Variants in TIRAP observed in about 807,000 individuals in gnomAD.
TIRAP encodes the protein TIR domain containing adaptor protein, also known as toll/interleukin-1 receptor domain-containing adapter protein.
Under a neutral mutation model 19.8 loss-of-function variants are expected in TIRAP, and 20 were observed. That is an observed-to-expected ratio of 1.01 (90% CI 0.71 to 1.47). The LOEUF is 1.47. Among genes scored for constraint, TIRAP ranks in the 40% most tolerant of loss-of-function variants. TIRAP has a pLI of 0.00. For synonymous variants in TIRAP, 125 were observed against 121.7 expected, an observed-to-expected ratio of 1.03 and a Z score of -0.18; for missense variants, 276 against 285.1, an observed-to-expected ratio of 0.97 and a Z score of 0.23.
chr11:126,287,493 G>A lies in TIRAP; in HGVS notation c.-216-2969G>A, dbSNP rs1951335341. ...GCACCACCACGCTTAGCTAATTTTTGTATTTTTAGTAGAGACAGGGTTTCA... is the reference window on the plus strand; with the variant it reads ...GCACCACCACGCTTAGCTAATTTTTATATTTTTAGTAGAGACAGGGTTTCA... On this transcript the variant is annotated intron_variant, in intron 1 of 4. Coordinates refer to ENST00000392679, the MANE Select transcript of TIRAP (RefSeq NM_001318777.2). The surrounding 1 kb of genome is among the most constrained non-coding windows in gnomAD (Gnocchi z 4.2). Among the ~76,000 whole-genome samples the A allele has an allele frequency of 1.3e-5, 2 of 151,904 alleles. No homozygotes were observed. Among genetic ancestry groups the A allele is most frequent in the Admixed American group, 6.6e-5 (1 of 15,240 alleles).
rs1951440675 is a variant in TIRAP at position 126,293,918 on chromosome 11, C to T, written c.*231C>T. On this transcript the variant is annotated 3_prime_UTR_variant, in exon 5 of 5. Transcript: ENST00000392679. ...AGGAAGGCCGTGAAGCTGGGGATTC[C>T]CCCTAGGAAAGCCATGAGGAAGCTG... The T allele has an allele frequency of 3.5e-6, 2 of 576,344 alleles. No individual in the cohort carries two copies. The highest frequency in any genetic ancestry group is 6.2e-6 in the Non-Finnish European group (2 of 324,138). The allele number at this position is 576,344 out of a possible 1,614,324, so 35.7% of individuals were successfully genotyped here.
In TIRAP at chr11:126,292,918, G is replaced by A. The variant is rs750153440; in HGVS notation, c.509G>A (p.Gly170Glu). 1.9e-6 allele frequency: 3 copies of A among 1,613,878 alleles called. No individual in the cohort carries two copies. The highest frequency in any genetic ancestry group is 2.5e-6 in the Non-Finnish European group (3 of 1,179,954). The change falls in exon 4 of 5, where the codon GGG becomes GAG. Residue 170 changes from glycine (G) to glutamate (E), a missense_variant. Physicochemically the swap from Gly to Glu is moderately conservative, Grantham distance 98. Coordinates refer to ENST00000392679, the MANE Select transcript of TIRAP (RefSeq NM_001318777.2). The part of the protein sequence containing the change: ...QMLQALTEAP[G>E]AEGCTIPLLS... ...CTGCAGGCCCTGACCGAGGCTCCAGGGGCCGAGGGCTGCACCATCCCCCTG... is the reference window on the plus strand; with the variant it reads ...CTGCAGGCCCTGACCGAGGCTCCAGAGGCCGAGGGCTGCACCATCCCCCTG...
intron 3 of TIRAP, 96 bp from the exon 4 acceptor site, chr11:126,292,381 C>A: frequency 7.5e-7 from 1 of 1,335,052 alleles, no homozygotes; most frequent in Non-Finnish European, 1.0e-6. Context: ...GGGCTGCAGT[C>A]TGTCTGTCCT....
In TIRAP at chr11:126,287,311, A is replaced by G. The variant is rs1951332527; in HGVS notation, c.-216-3151A>G. Among the ~76,000 whole-genome samples the G allele has an allele frequency of 6.7e-6, 1 of 149,486 alleles. No individual in the cohort carries two copies. Among genetic ancestry groups the G allele is most frequent in the Non-Finnish European group, 1.5e-5 (1 of 67,346 alleles). ...CAGTTTGATATTGGATACTAAATAC[A>G]CTTTGGATTTTTTTTTTTTTATTTT... On this transcript the variant is annotated intron_variant, in intron 1 of 4. Coordinates refer to ENST00000392679, the MANE Select transcript of TIRAP (RefSeq NM_001318777.2). This position sits in a 1 kb window ranked among gnomAD's most constrained non-coding sequence, Gnocchi z 4.2.
rs77356646 is a variant in TIRAP at position 126,294,311 on chromosome 11, G to C, written c.*624G>C. The C allele has an allele frequency of 2.0e-3, 660 of 323,560 alleles. 5 individuals carry two copies. Among genetic ancestry groups the C allele is most frequent in the African/African-American group, 0.014 (629 of 46,246 alleles). 20.0% of individuals were successfully genotyped at this position (323,560 alleles called of 1,614,324 possible). The stretch of plus-strand genomic sequence containing the variant: ...TTCAAAGAGCTGTAGGGAAGATGCA[G>C]TCAGCACTGCACTGTATTTTTTATT... On this transcript the variant is annotated 3_prime_UTR_variant, in exon 5 of 5. Coordinates refer to ENST00000392679, the MANE Select transcript of TIRAP (RefSeq NM_001318777.2).
chr11:126,292,356 C>T (rs1951401556), intron 3 of TIRAP, 121 bp from the exon 4 acceptor site: 2 of 983,036 alleles, frequency 2.0e-6, no homozygotes, highest in Non-Finnish European at 1.5e-6. Flanking sequence ...AAGATGTTTC[C>T]CAGTGCAGGG....
rs184774567 is a variant in TIRAP at position 126,290,863 on chromosome 11, G to A, written c.-32G>A. Reference sequence around the variant, plus strand: ...CCCTCCTCCCCCTTCACCAATGCCTGGTCTCACGGGGCTAGTTTTGACCCC... The same window carrying A: ...CCCTCCTCCCCCTTCACCAATGCCTAGTCTCACGGGGCTAGTTTTGACCCC... On this transcript the variant is annotated 5_prime_UTR_variant, in exon 3 of 5. Coordinates refer to ENST00000392679, the MANE Select transcript of TIRAP (RefSeq NM_001318777.2). This position sits in a 1 kb window ranked among gnomAD's most constrained non-coding sequence, Gnocchi z 4.9. 3.4e-3 allele frequency: 5,403 copies of A among 1,587,462 alleles called. 27 individuals are homozygous for A. Among genetic ancestry groups the A allele is most frequent in the Non-Finnish European group, 3.5e-3 (4,111 of 1,165,124 alleles).
Position 126,293,085 on chromosome 11 carries a change from C to T in TIRAP, c.646+30C>T, listed in dbSNP as rs370415672. On this transcript the variant is annotated intron_variant, in intron 4 of 4. Coordinates refer to ENST00000392679, the MANE Select transcript of TIRAP (RefSeq NM_001318777.2). ...GCTACTACAGGAGGGAGAAGGGGAACGGGATTCAGCTACAGTATCTGATCT... is the reference window on the plus strand; with the variant it reads ...GCTACTACAGGAGGGAGAAGGGGAATGGGATTCAGCTACAGTATCTGATCT... The T allele has an allele frequency of 2.9e-5, 47 of 1,613,634 alleles. No individual in the cohort carries two copies. Among genetic ancestry groups the T allele is most frequent in the African/African-American group, 2.3e-4 (17 of 74,914 alleles).
chr11:126,290,417 T>G lies in TIRAP; in HGVS notation c.-216-45T>G, dbSNP rs1951366116. On this transcript the variant is annotated intron_variant, in intron 1 of 4. Transcript: ENST00000392679. The surrounding 1 kb of genome is among the most constrained non-coding windows in gnomAD (Gnocchi z 4.9). ...TTCAGCTTCTGTCTATCTGGATACA[T>G]AATTATTTGTCCAAATAGCAACTGT... The G allele has an allele frequency of 2.0e-6, 2 of 987,856 alleles. No individual in the cohort carries two copies. Among genetic ancestry groups the G allele is most frequent in the Non-Finnish European group, 2.4e-6 (2 of 831,670 alleles). The allele number at this position is 987,856 out of a possible 1,614,324, so 61.2% of individuals were successfully genotyped here. A position where few individuals can be genotyped will look rare whatever the true frequency, so the allele number is the denominator to read the frequency against.
At chr11:126,284,231 G>T (rs957391176) in intron 1 of TIRAP, among the ~76,000 whole-genome samples, 3 of 151,852 alleles carry the variant, frequency 2.0e-5, no homozygotes, top group Non-Finnish European at 4.4e-5. Flanking sequence ...ACGGGGTTTC[G>T]CCATATTGGC....
At chr11:126,284,869 AAT>A (rs954262888) in intron 1 of TIRAP, among the ~76,000 whole-genome samples, 2 of 149,656 alleles carry the variant, frequency 1.3e-5, no homozygotes, top group Non-Finnish European at 3.0e-5. Flanking sequence ...AAAAAAAAAA[AAT>A]ATGTAAGCAC....
Position 126,293,797 on chromosome 11 carries a change from C to A in TIRAP, c.*110C>A. ...GACAAGAGGTATAGGGAGTGAGTCACAGCGCTTTGCTCGTGACCCTGGGAT... is the reference window on the plus strand; with the variant it reads ...GACAAGAGGTATAGGGAGTGAGTCAAAGCGCTTTGCTCGTGACCCTGGGAT... On this transcript the variant is annotated 3_prime_UTR_variant, in exon 5 of 5. Transcript: ENST00000392679. 1 of 1,191,794 alleles carries A rather than the reference C, an allele frequency of 8.4e-7. No individual in the cohort carries two copies. Among genetic ancestry groups the A allele is most frequent in the Non-Finnish European group, 1.3e-6 (1 of 799,458 alleles). 73.8% of individuals were successfully genotyped at this position (1,191,794 alleles called of 1,614,324 possible). A position where few individuals can be genotyped will look rare whatever the true frequency, so the allele number is the denominator to read the frequency against.
chr11:126,284,864 A>AG (rs1343882591), intron 1 of TIRAP, among the ~76,000 whole-genome samples: 1 of 151,962 alleles, frequency 6.6e-6, no homozygotes, highest in East Asian at 1.9e-4. Flanking sequence ...AAAAAAAAAA[A>AG]AAAAAATATG....
intron 1 of TIRAP, among the ~76,000 whole-genome samples, chr11:126,285,243 G>GTATA (rs1555068788): frequency 5.6e-5 from 6 of 106,974 alleles, no homozygotes; most frequent in Non-Finnish European, 7.6e-5. Context: ...GTGTGTGTGT[G>GTATA]TATATATATA....
rs1951349136 is a variant in TIRAP at position 126,288,730 on chromosome 11, A to G, written c.-216-1732A>G. On this transcript the variant is annotated intron_variant, in intron 1 of 4. Transcript: ENST00000392679. This position sits in a 1 kb window ranked among gnomAD's most constrained non-coding sequence, Gnocchi z 5.0. ...AATTAGCATGCGTTGCCAAAAGGGCAAGTCATTTCATAAAATGAGAAACTG... is the reference window on the plus strand; with the variant it reads ...AATTAGCATGCGTTGCCAAAAGGGCGAGTCATTTCATAAAATGAGAAACTG... Among the ~76,000 whole-genome samples the G allele has an allele frequency of 6.6e-6, 1 of 152,254 alleles. No homozygotes were observed. The highest frequency in any genetic ancestry group is 1.5e-5 in the Non-Finnish European group (1 of 68,048).
rs1248191982 is a variant in TIRAP at position 126,288,255 on chromosome 11, T to C, written c.-216-2207T>C. 6.6e-6 allele frequency among the ~76,000 whole-genome samples: 1 copy of C among 152,254 alleles called. No homozygotes were observed. Among genetic ancestry groups the C allele is most frequent in the African/African-American group, 2.4e-5 (1 of 41,454 alleles). The stretch of plus-strand genomic sequence containing the variant: ...GGTATGATTCTACTTTATGAATTTT[T>C]TCAAAGCACAAAGAAAGCGACTGCG... On this transcript the variant is annotated intron_variant, in intron 1 of 4. Coordinates refer to ENST00000392679, the MANE Select transcript of TIRAP (RefSeq NM_001318777.2). The surrounding 1 kb of genome is among the most constrained non-coding windows in gnomAD (Gnocchi z 5.0).
chr11:126,284,015 AT>A (rs1398591623), intron 1 of TIRAP, among the ~76,000 whole-genome samples: 1 of 150,098 alleles, frequency 6.7e-6, no homozygotes, highest in Non-Finnish European at 1.5e-5. Context: ...CATCCATGGA[AT>A]CATATATCAT....
intron 4 of TIRAP, chr11:126,293,344 T>C: frequency 2.8e-6 from 2 of 712,568 alleles, no homozygotes; most frequent in South Asian, 1.5e-5. Context: ...AGCACATGTA[T>C]TCATAACAGG....
intron 1 of TIRAP, among the ~76,000 whole-genome samples, chr11:126,284,254 G>A (rs1237426898): frequency 6.6e-6 from 1 of 151,982 alleles, no homozygotes; most frequent in African/African-American, 2.4e-5. Flanking sequence ...GGGTGGTCTC[G>A]AACTCCTGAA....
Sources: gnomAD v4.1 joint callset for allele counts (sites outside exome capture counted in the v4.1 genomes callset) on GRCh38, gnomAD v4.1.1 for gene constraint, Gnocchi (gnomAD v3.1) non-coding constraint, MANE v1.5 for transcripts, NCBI Gene and HGNC (gene_info 2026-07-23, HGNC 2026-07-21) for gene names.